Variants in BRMS1 observed in about 807,000 individuals in gnomAD.
BRMS1 encodes the protein BRMS1 transcriptional repressor and anoikis regulator, also known as breast cancer metastasis-suppressor 1.
In BRMS1, 26 loss-of-function variants were observed where a neutral mutation model predicts 40.4. The ratio of observed to expected loss-of-function variants is 0.64; its 90% CI spans 0.47 to 0.89. BRMS1 has a LOEUF of 0.89. Ranked by LOEUF, BRMS1 falls within the 40% of genes least tolerant of loss-of-function variation. BRMS1 has a pLI of 0.00. For missense variants in BRMS1, 289 were observed against 309.4 expected, an observed-to-expected ratio of 0.93 and a Z score of 0.49; for synonymous variants, 103 against 116.0, an observed-to-expected ratio of 0.89 and a Z score of 0.72.
intron 1 of BRMS1, among the ~76,000 whole-genome samples, chr11:66,343,697 T>G (rs1341268545): frequency 6.6e-6 from 1 of 152,162 alleles, no homozygotes; most frequent in African/African-American, 2.4e-5. Flanking sequence ...GTGAGAAATC[T>G]GAGCTGCAGG....
Position 66,341,828 on chromosome 11 carries a change from TTG to T in BRMS1, c.140-207_140-206del. ...GCTGTGTGTGCATATGCGTGCGTGCTTGTGTGAAGGGGCTGTGTGCACGTGTA... is the reference window on the plus strand; with the variant it reads ...GCTGTGTGTGCATATGCGTGCGTGCTTGTGAAGGGGCTGTGTGCACGTGTA... On this transcript the variant is annotated intron_variant, in intron 2 of 9. Coordinates refer to ENST00000359957, the MANE Select transcript of BRMS1 (RefSeq NM_015399.4). The surrounding 1 kb of genome is among the most constrained non-coding windows in gnomAD (Gnocchi z 4.9). The T allele has an allele frequency of 4.7e-6, 3 of 637,446 alleles. No homozygotes were observed. The highest frequency in any genetic ancestry group is 8.4e-6 in the Non-Finnish European group (3 of 358,580). 39.5% of individuals were successfully genotyped at this position (637,446 alleles called of 1,614,324 possible).
At chr11:66,344,748 TC>T (rs1251660181) in intron 1 of BRMS1, 1 of 152,314 alleles carries the variant, frequency 6.6e-6, no homozygotes, top group Non-Finnish European at 1.5e-5. Context: ...AGGCAGACCC[TC>T]CCCACTCTCG....
At position 66,341,665 on chromosome 11, in the gene BRMS1, G is replaced by T; in HGVS notation, c.140-42C>A. On this transcript the variant is annotated intron_variant, in intron 2 of 9. Transcript: ENST00000359957. The surrounding 1 kb of genome is among the most constrained non-coding windows in gnomAD (Gnocchi z 4.9). ...GTAAGGGCTAGCTCTGGGGAGGAGT[G>T]GTGGGTACCCGCATGTGTGCATGTG... 1 of 1,555,638 alleles carries T rather than the reference G, an allele frequency of 6.4e-7. No individual in the cohort carries two copies. The highest frequency in any genetic ancestry group is 8.9e-7 in the Non-Finnish European group (1 of 1,127,520).
chr11:66,338,434 GCTC>G lies in BRMS1; in HGVS notation c.694-155_694-153del. ...GGCCCCACCCAGGCAGAGCTCCCAT[GCTC>G]CTGACTGCTGGCCAGCTCAGCGGCT... On this transcript the variant is annotated intron_variant, in intron 8 of 9. Transcript: ENST00000359957. The G allele has an allele frequency of 2.6e-6, 4 of 1,511,616 alleles. No individual in the cohort carries two copies. The South Asian group carries it at 5.1e-5, about 19-fold the overall frequency. 93.6% of individuals were successfully genotyped at this position (1,511,616 alleles called of 1,614,324 possible). A position where few individuals can be genotyped will look rare whatever the true frequency, so the allele number is the denominator to read the frequency against.
chr11:66,337,894 G>A lies in BRMS1; in HGVS notation c.734-5C>T, dbSNP rs1854964377. 2 of 1,605,840 alleles carry A rather than the reference G, an allele frequency of 1.2e-6. No individual in the cohort carries two copies. Among genetic ancestry groups the A allele is most frequent in the Non-Finnish European group, 1.7e-6 (2 of 1,174,898 alleles). Reference sequence around the variant, plus strand: ...GTGAACAGCAGGGTCAAGGTCCTGTGCATATGTGGGAAGAAGAAAACTGTC... The same window carrying A: ...GTGAACAGCAGGGTCAAGGTCCTGTACATATGTGGGAAGAAGAAAACTGTC... On this transcript the variant is annotated splice_region_variant and splice_polypyrimidine_tract_variant and intron_variant, in intron 9 of 9. Coordinates refer to ENST00000359957, the MANE Select transcript of BRMS1 (RefSeq NM_015399.4).
At chr11:66,338,883 G>T in intron 7 of BRMS1, 98 bp from the exon 8 acceptor site, 1 of 1,270,442 alleles carries the variant, frequency 7.9e-7, no homozygotes, top group South Asian at 1.5e-5. Flanking sequence ...GGACAGCATG[G>T]AGTGGGAGCT....
Position 66,337,881 on chromosome 11 carries a change from G to A in BRMS1, c.*1C>T. The A allele has an allele frequency of 6.2e-7, 1 of 1,613,566 alleles. No homozygotes were observed. The highest frequency in any genetic ancestry group is 8.5e-7 in the Non-Finnish European group (1 of 1,179,676). ...GGTCCCCCTGGCTGTGAACAGCAGGGTCAAGGTCCTGTGCATATGTGGGAA... is the reference window on the plus strand; with the variant it reads ...GGTCCCCCTGGCTGTGAACAGCAGGATCAAGGTCCTGTGCATATGTGGGAA... On this transcript the variant is annotated 3_prime_UTR_variant, in exon 10 of 10. Coordinates refer to ENST00000359957, the MANE Select transcript of BRMS1 (RefSeq NM_015399.4).
chr11:66,340,547 C>T (rs545042195), intron 6 of BRMS1, among the ~76,000 whole-genome samples: 1 of 152,320 alleles, frequency 6.6e-6, no homozygotes, highest in African/African-American at 2.4e-5. Context: ...CACACTGATA[C>T]CTGTTTTGGA....
In BRMS1 at chr11:66,338,346, C is replaced by G. The variant is rs2276106; in HGVS notation, c.694-64G>C. 3.3e-5 allele frequency: 51 copies of G among 1,557,462 alleles called. No individual in the cohort carries two copies. In the African/African-American group the frequency reaches 6.3e-4, roughly 19 times the overall value. On this transcript the variant is annotated intron_variant, in intron 8 of 9. Coordinates refer to ENST00000359957, the MANE Select transcript of BRMS1 (RefSeq NM_015399.4). ...CTCCAGCTTGGCAATCCCTGCCCCA[C>G]CCCCCACCTCTGTGGCTTGTGGGCT... is the stretch of plus-strand genomic sequence containing the variant.
intron 9 of BRMS1, 150 bp from the exon 10 acceptor site, chr11:66,338,039 A>G (rs1854969044): frequency 8.6e-7 from 1 of 1,160,242 alleles, no homozygotes; most frequent in Non-Finnish European, 1.2e-6. Flanking sequence ...TGGGAGCTCC[A>G]TCAACCCAGA....
In BRMS1 at chr11:66,340,885, A is replaced by G. The variant is rs768546953; in HGVS notation, c.439-15T>C. ...AGCTTCTCACTCTGGAAGAGGGGGC[A>G]ATAGCTCAGCAGGACGGATGGGGTG... On this transcript the variant is annotated splice_polypyrimidine_tract_variant and intron_variant, in intron 5 of 9. Transcript: ENST00000359957. The G allele has an allele frequency of 1.9e-6, 3 of 1,613,972 alleles. No individual in the cohort carries two copies. The highest frequency in any genetic ancestry group is 2.2e-5 in the East Asian group (1 of 44,876).
intron 1 of BRMS1, chr11:66,344,679 T>G (rs1341101086): frequency 6.6e-6 from 1 of 152,336 alleles, no homozygotes; most frequent in Non-Finnish European, 1.5e-5. Flanking sequence ...TGTAAAGCGC[T>G]GTACACAGGC....
In BRMS1 at chr11:66,340,069, A is replaced by C. The variant is rs183317843; in HGVS notation, c.628+52T>G. On this transcript the variant is annotated intron_variant, in intron 7 of 9. Transcript: ENST00000359957. ...CTCCAACCCCCTCCCCTGGGTCTGG[A>C]GTTGACCCTTACATCCTGCCCACTT... is the stretch of plus-strand genomic sequence containing the variant. 919 of 1,495,624 alleles carry C rather than the reference A, an allele frequency of 6.1e-4. 3 individuals carry two copies. The highest frequency in any genetic ancestry group is 4.6e-3 in the Middle Eastern group (27 of 5,860). 92.6% of individuals were successfully genotyped at this position (1,495,624 alleles called of 1,614,324 possible).
chr11:66,340,133 G>T lies in BRMS1; in HGVS notation c.616C>A (p.Pro206Thr). ...SLPPSKRKKA[P>T]LVSGPYIVYM... is the part of the protein sequence containing the mutation. The stretch of plus-strand genomic sequence containing the variant: ...GGTGAAAGGATACCAGAAACCAGAG[G>T]TGCCTTCTTCCTCTTGCTGGGCGGC... The change falls in exon 7 of 10, where the codon CCT becomes ACT. Residue 206 changes from proline to threonine, a missense_variant. Coordinates refer to ENST00000359957, the MANE Select transcript of BRMS1 (RefSeq NM_015399.4). The T allele has an allele frequency of 2.5e-6, 4 of 1,613,524 alleles. No homozygotes were observed. The highest frequency in any genetic ancestry group is 3.4e-6 in the Non-Finnish European group (4 of 1,179,904).
Position 66,341,496 on chromosome 11 carries a change from T to A in BRMS1, c.230+37A>T. On this transcript the variant is annotated intron_variant, in intron 3 of 9. Transcript: ENST00000359957. This position sits in a 1 kb window ranked among gnomAD's most constrained non-coding sequence, Gnocchi z 4.9. Reference sequence around the variant, plus strand: ...AGGCCCACCACCTCCTCATCCCAGATCCTCGCAGACCCAGCCCAAGGTGTC... The same window carrying A: ...AGGCCCACCACCTCCTCATCCCAGAACCTCGCAGACCCAGCCCAAGGTGTC... The A allele has an allele frequency of 6.2e-7, 1 of 1,610,640 alleles. No individual in the cohort carries two copies. The highest frequency in any genetic ancestry group is 8.5e-7 in the Non-Finnish European group (1 of 1,177,084).
intron 7 of BRMS1, 122 bp from the exon 8 acceptor site, chr11:66,338,907 C>T (rs528944256): frequency 7.8e-6 from 8 of 1,028,672 alleles, no homozygotes; most frequent in African/African-American, 6.4e-5. Context: ...GACCTGGGTC[C>T]GAGGTCAGGT....
chr11:66,341,404 C>T lies in BRMS1; in HGVS notation c.231-71G>A. 6.2e-7 allele frequency: 1 copy of T among 1,603,942 alleles called. No homozygotes were observed. On this transcript the variant is annotated intron_variant, in intron 3 of 9. Transcript: ENST00000359957. This position sits in a 1 kb window ranked among gnomAD's most constrained non-coding sequence, Gnocchi z 4.9. The stretch of plus-strand genomic sequence containing the variant: ...CTCTTGGGCAAACACATACCCAGCA[C>T]CCATTCCACAGCAAGCCCGGTGTTA...
Position 66,342,086 on chromosome 11 carries a change from AG to A in BRMS1, c.139+9del. 6.4e-7 allele frequency: 1 copy of A among 1,573,116 alleles called. No individual in the cohort carries two copies. On this transcript the variant is annotated intron_variant, in intron 2 of 9. Transcript: ENST00000359957. ...TGTGTGTGTGTGTGTCTGTGTGTGT[AG>A]GGGCTCACCGGAGCTCTCCTCTTCT... is the stretch of plus-strand genomic sequence containing the variant.
At position 66,341,324 on chromosome 11, in the gene BRMS1, C is replaced by T; in HGVS notation, c.240G>A (p.Arg80=). The T allele has an allele frequency of 6.2e-7, 1 of 1,612,508 alleles. No homozygotes were observed. Among genetic ancestry groups the T allele is most frequent in the Non-Finnish European group, 8.5e-7 (1 of 1,178,700 alleles). ...QFSELKEKLF[R]ERLSQLRLRL... ...GCAACCGCAGCTGACTCAGTCGTTC[C>T]CTGAACAACCTGCGTGGTAAAAAGG... Residue 80 remains arginine (R), a synonymous_variant, in exon 4 of 10, where the codon AGG becomes AGA. Coordinates refer to ENST00000359957, the MANE Select transcript of BRMS1 (RefSeq NM_015399.4). This position sits in a 1 kb window ranked among gnomAD's most constrained non-coding sequence, Gnocchi z 4.9.
Sources: gnomAD v4.1 joint callset for allele counts (sites outside exome capture counted in the v4.1 genomes callset) on GRCh38, gnomAD v4.1.1 for gene constraint, Gnocchi (gnomAD v3.1) non-coding constraint, MANE v1.5 for transcripts, NCBI Gene and HGNC (gene_info 2026-07-23, HGNC 2026-07-21) for gene names.